Variants in CELSR1 observed in about 807,000 individuals in gnomAD.
The protein encoded by CELSR1 is cadherin EGF LAG seven-pass G-type receptor 1, also known as adhesion G protein-coupled receptor C1.
CELSR1 carries 110 observed loss-of-function variants against 249.1 expected under a neutral mutation model. The ratio of observed to expected loss-of-function variants is 0.44; its 90% CI spans 0.38 to 0.52. CELSR1 has a LOEUF of 0.52. CELSR1 is among the 20% of genes least tolerant of loss of function. The pLI, the probability that CELSR1 is intolerant of heterozygous loss-of-function variation, is 0.00. For missense variants in CELSR1, 4,109 were observed against 4,296.4 expected (o/e 0.96, Z 1.22); for synonymous variants, 2,113 against 1,900.0 (o/e 1.11, Z -2.92).
chr22:46,478,711 A>T (rs4626028), intron 1 of CELSR1, among the ~76,000 whole-genome samples: 150,139 of 150,510 alleles, frequency 1, 74,885 homozygotes, highest in Middle Eastern at 1. Flanking sequence ...CCCAGCTAAA[A>T]TTTTTTTTTT....
chr22:46,472,006 C>A lies in CELSR1; in HGVS notation c.3545-7661G>T, dbSNP rs1016297595. ...GGGGTCTGCTTGATTCCGGGAGGCA[C>A]GGCACCCACCCAGCACTCTCTCTGC... On this transcript the variant is annotated intron_variant, in intron 1 of 34. Coordinates refer to ENST00000674500, the MANE Select transcript of CELSR1 (RefSeq NM_001378328.1). The surrounding 1 kb of genome is among the most constrained non-coding windows in gnomAD (Gnocchi z 7.0). Among the ~76,000 whole-genome samples, 1 of 152,138 alleles carries A rather than the reference C, an allele frequency of 6.6e-6. No homozygotes were observed. The highest frequency in any genetic ancestry group is 2.4e-5 in the African/African-American group (1 of 41,432).
In CELSR1 at chr22:46,407,747, C is replaced by CA. The variant is rs2079282557; in HGVS notation, c.5226+1248dup. On this transcript the variant is annotated intron_variant, in intron 9 of 34. Transcript: ENST00000674500. This position sits in a 1 kb window ranked among gnomAD's most constrained non-coding sequence, Gnocchi z 4.8. ...CTGCTCAGGCACGGCTCCCACAGGC[C>CA]ACTCCCGTGCCAGGGGATGAGAATT... Among the ~76,000 whole-genome samples, 1 of 152,196 alleles carries CA rather than the reference C, an allele frequency of 6.6e-6. No individual in the cohort carries two copies. The highest frequency in any genetic ancestry group is 1.5e-5 in the Non-Finnish European group (1 of 68,032).
At chr22:46,523,560 A>AAATAAAT (rs962927803) in intron 1 of CELSR1, among the ~76,000 whole-genome samples, 4 of 147,684 alleles carry the variant, frequency 2.7e-5, no homozygotes, top group African/African-American at 1.0e-4. Flanking sequence ...ATAAATAAAT[A>AAATAAAT]AAATAAAAAG....
intron 1 of CELSR1, among the ~76,000 whole-genome samples, chr22:46,519,272 G>A (rs2080660579): frequency 6.6e-6 from 1 of 152,226 alleles, no homozygotes; most frequent in African/African-American, 2.4e-5. Context: ...CATTAAAATG[G>A]TTAACTTCAC....
Position 46,402,341 on chromosome 22 carries a change from C to T in CELSR1, c.5227-2439G>A, listed in dbSNP as rs1344555473. On this transcript the variant is annotated intron_variant, in intron 9 of 34. Coordinates refer to ENST00000674500, the MANE Select transcript of CELSR1 (RefSeq NM_001378328.1). The surrounding 1 kb of genome is among the most constrained non-coding windows in gnomAD (Gnocchi z 5.0). Reference sequence around the variant, plus strand: ...AAGTGATTCTCCTGCCTCAGCCTCCCGAGTAGCTGAGATACAGGTACCCAC... The same window carrying T: ...AAGTGATTCTCCTGCCTCAGCCTCCTGAGTAGCTGAGATACAGGTACCCAC... Among the ~76,000 whole-genome samples the T allele has an allele frequency of 1.3e-5, 2 of 151,840 alleles. No homozygotes were observed. The highest frequency in any genetic ancestry group is 2.9e-5 in the Non-Finnish European group (2 of 67,982).
chr22:46,408,498 A>G lies in CELSR1; in HGVS notation c.5226+498T>C, dbSNP rs1355883114. On this transcript the variant is annotated intron_variant, in intron 9 of 34. Transcript: ENST00000674500. The surrounding 1 kb of genome is among the most constrained non-coding windows in gnomAD (Gnocchi z 4.6). ...AGGCCCCCACTACCAAGCCTGGCTAATTTTTTTTGTATTTTTAGTAGAGAT... is the reference window on the plus strand; with the variant it reads ...AGGCCCCCACTACCAAGCCTGGCTAGTTTTTTTTGTATTTTTAGTAGAGAT... Among the ~76,000 whole-genome samples the G allele has an allele frequency of 6.6e-6, 1 of 151,944 alleles. No individual in the cohort carries two copies. The highest frequency in any genetic ancestry group is 1.5e-5 in the Non-Finnish European group (1 of 67,952).
intron 3 of CELSR1, among the ~76,000 whole-genome samples, chr22:46,438,036 T>C (rs955015488): frequency 5.9e-5 from 9 of 151,980 alleles, no homozygotes; most frequent in Admixed American, 5.2e-4. Flanking sequence ...GCGGTGTCAG[T>C]GTCAAACAGT....
rs2080651704 is a variant in CELSR1 at position 46,518,513 on chromosome 22, C to T, written c.3544+15114G>A. On this transcript the variant is annotated intron_variant, in intron 1 of 34. Transcript: ENST00000674500. The surrounding 1 kb of genome is among the most constrained non-coding windows in gnomAD (Gnocchi z 5.2). The stretch of plus-strand genomic sequence containing the variant: ...TTAACACGAAGAAACCAGTCACACA[C>T]ACAAACATGAAGGCAGGCGTGGCAG... 6.6e-6 allele frequency among the ~76,000 whole-genome samples: 1 copy of T among 152,238 alleles called. No individual in the cohort carries two copies. The highest frequency in any genetic ancestry group is 1.5e-5 in the Non-Finnish European group (1 of 68,038).
rs115234015 is a variant in CELSR1 at position 46,367,196 on chromosome 22, G to A, written c.8080-78C>T. ...CCCTTAGGCGCCCCAGCACAGATGC[G>A]CATACAGCCTTGAGTGCACACAACA... On this transcript the variant is annotated intron_variant, in intron 28 of 34. Coordinates refer to ENST00000674500, the MANE Select transcript of CELSR1 (RefSeq NM_001378328.1). 9,349 of 1,530,078 alleles carry A rather than the reference G, an allele frequency of 6.1e-3. 481 individuals are homozygous for A. In the African/African-American group the frequency reaches 0.11, roughly 18 times the overall value. 94.8% of individuals were successfully genotyped at this position (1,530,078 alleles called of 1,614,324 possible).
At position 46,534,231 on chromosome 22, in the gene CELSR1, G is replaced by T. The variant is rs377280238; in HGVS notation, c.2940C>A (p.Ser980Arg). 2 of 1,613,620 alleles carry T rather than the reference G, an allele frequency of 1.2e-6. No individual in the cohort carries two copies. Among genetic ancestry groups the T allele is most frequent in the Admixed American group, 1.7e-5 (1 of 60,012 alleles). Residue 980 changes from serine to arginine, a missense_variant, in exon 1 of 35, where the codon AGC becomes AGA. Around this residue, in one of 7 missense-constraint regions of CELSR1, gnomAD observed 886 missense variants for 896.5 expected, o/e 0.99. Coordinates refer to ENST00000674500, the MANE Select transcript of CELSR1 (RefSeq NM_001378328.1). This position sits in a 1 kb window ranked among gnomAD's most constrained non-coding sequence, Gnocchi z 9.7. ...TGGTCACCTGGATTTCTACCGAGGC[G>T]CTAAGGGGAGTGGGACTGCCCCGAT... ...AVDRGSPTPL[S>R]ASVEIQVTIL...
At position 46,427,656 on chromosome 22, in the gene CELSR1, G is replaced by A. The variant is rs1434042754; in HGVS notation, c.4611+5737C>T. Among the ~76,000 whole-genome samples the A allele has an allele frequency of 1.3e-5, 2 of 152,186 alleles. No homozygotes were observed. The highest frequency in any genetic ancestry group is 2.4e-5 in the African/African-American group (1 of 41,450). ...CGCACTGTTGGCAATGGTTGTTGAC[G>A]TTCCGCTGTCGGAGGACCTTATATT... On this transcript the variant is annotated intron_variant, in intron 5 of 34. Coordinates refer to ENST00000674500, the MANE Select transcript of CELSR1 (RefSeq NM_001378328.1). The surrounding 1 kb of genome is among the most constrained non-coding windows in gnomAD (Gnocchi z 4.2).
At chr22:46,370,708 C>T (rs548198172) in intron 25 of CELSR1, among the ~76,000 whole-genome samples, 1 of 152,318 alleles carries the variant, frequency 6.6e-6, no homozygotes, top group South Asian at 2.1e-4. Flanking sequence ...TGTTTAACAC[C>T]CTCCAGCACT....
intron 25 of CELSR1, among the ~76,000 whole-genome samples, chr22:46,372,243 C>T: frequency 6.8e-6 from 1 of 147,666 alleles, no homozygotes; most frequent in African/African-American, 2.5e-5. Context: ...CATCCACTCA[C>T]TCACCCCTCC....
At position 46,380,415 on chromosome 22, in the gene CELSR1, G is replaced by A. The variant is rs756016057; in HGVS notation, c.7256+373C>T. Among the ~76,000 whole-genome samples the A allele has an allele frequency of 9.2e-5, 14 of 152,210 alleles. No homozygotes were observed. The highest frequency in any genetic ancestry group is 2.9e-5 in the Non-Finnish European group (2 of 68,044). On this transcript the variant is annotated intron_variant, in intron 22 of 34. Transcript: ENST00000674500. The surrounding 1 kb of genome is among the most constrained non-coding windows in gnomAD (Gnocchi z 5.1). ...AGTCTCTGGGTTCTGTCTCCCGTGT[G>A]TGACCGGAATGGGCCTGTCTTATCC...
chr22:46,419,583 T>C (rs1321534603), intron 5 of CELSR1, among the ~76,000 whole-genome samples: 2 of 152,084 alleles, frequency 1.3e-5, no homozygotes, highest in South Asian at 2.1e-4. Context: ...CACAACACAG[T>C]AGCCTGAGTG....
rs1285481716 is a variant in CELSR1 at position 46,381,086 on chromosome 22, G to A, written c.7089-131C>T. Reference sequence around the variant, plus strand: ...AGACAGAATCACACTCCGAGAGCTCGGACCCACGGACCCCACAGTATCTTC... The same window carrying A: ...AGACAGAATCACACTCCGAGAGCTCAGACCCACGGACCCCACAGTATCTTC... On this transcript the variant is annotated intron_variant, in intron 21 of 34. Transcript: ENST00000674500. This position sits in a 1 kb window ranked among gnomAD's most constrained non-coding sequence, Gnocchi z 6.0. 1.5e-5 allele frequency: 13 copies of A among 877,406 alleles called. No individual in the cohort carries two copies. In the East Asian group the frequency reaches 2.4e-4, roughly 16 times the overall value. 54.4% of individuals were successfully genotyped at this position (877,406 alleles called of 1,614,324 possible).
chr22:46,437,776 T>G lies in CELSR1; in HGVS notation c.4406+1413A>C, dbSNP rs945891448. 5.4e-5 allele frequency among the ~76,000 whole-genome samples: 8 copies of G among 148,324 alleles called. No individual in the cohort carries two copies. The highest frequency in any genetic ancestry group is 1.7e-4 in the African/African-American group (7 of 40,380). ...TCAAAAAAAAAAAAAAAACTGATGG[T>G]TCCCAACTGTCGCCCAAACCCCCTC... On this transcript the variant is annotated intron_variant, in intron 3 of 34. Transcript: ENST00000674500. This position sits in a 1 kb window ranked among gnomAD's most constrained non-coding sequence, Gnocchi z 4.9.
intron 1 of CELSR1, among the ~76,000 whole-genome samples, chr22:46,493,650 T>C (rs549480144): frequency 1.3e-5 from 2 of 152,298 alleles, no homozygotes; most frequent in South Asian, 4.1e-4. Context: ...CCACGTGTTG[T>C]GGCAGGGACC....
In CELSR1 at chr22:46,399,430, G is replaced by A. The variant is rs2079186880; in HGVS notation, c.5412+287C>T. On this transcript the variant is annotated intron_variant, in intron 10 of 34. Transcript: ENST00000674500. This position sits in a 1 kb window ranked among gnomAD's most constrained non-coding sequence, Gnocchi z 5.0. The stretch of plus-strand genomic sequence containing the variant: ...TGCAGGTGTTGCTCAAGATGGCTTT[G>A]CTAAAAGAAACCACTGCTGAAGGCA... 6.6e-6 allele frequency among the ~76,000 whole-genome samples: 1 copy of A among 152,202 alleles called. No homozygotes were observed. The highest frequency in any genetic ancestry group is 1.5e-5 in the Non-Finnish European group (1 of 68,040).
Sources: allele counts gnomAD v4.1 joint callset (sites outside exome capture counted in the v4.1 genomes callset), GRCh38; gene constraint gnomAD v4.1.1; regional missense constraint gnomAD v4.1.1; non-coding constraint Gnocchi (gnomAD v3.1); transcripts MANE v1.5; gene names NCBI Gene and HGNC (gene_info 2026-07-23, HGNC 2026-07-21).